MITF: variants seen among roughly 807,000 people sequenced by gnomAD.
MITF encodes microphthalmia-associated transcription factor.
Under a neutral mutation model 60.5 loss-of-function variants are expected in MITF, and 17 were observed. That is an observed-to-expected ratio of 0.28 (90% CI 0.19 to 0.42). The LOEUF (loss-of-function observed/expected upper bound fraction) is 0.42, where lower values mean the gene tolerates loss of function less well. Among genes scored for constraint, MITF ranks in the 10% least tolerant of loss-of-function variants. MITF has a pLI of 1.00. For missense variants in MITF, 622 were observed against 683.5 expected (o/e 0.91, Z 1.00); for synonymous variants, 260 against 248.5 (o/e 1.05, Z -0.43).
At chr3:69,751,007 G>A (rs1703917141) in intron 1 of MITF, among the ~76,000 whole-genome samples, 1 of 152,100 alleles carries the variant, frequency 6.6e-6, no homozygotes, top group South Asian at 2.1e-4. Flanking sequence ...TGTGATCTCT[G>A]AGTGACTTAG....
chr3:69,842,867 C>T lies in MITF; in HGVS notation c.105-36267C>T, dbSNP rs186903890. On this transcript the variant is annotated intron_variant, in intron 1 of 9. Coordinates refer to ENST00000352241, the MANE Select transcript of MITF (RefSeq NM_001354604.2). The stretch of plus-strand genomic sequence containing the variant: ...ACAGAGCACTGCTGTGTGGTGTAAA[C>T]TTTATTTTGTTTGTTTGTTTGTTTG... 3.1e-3 allele frequency among the ~76,000 whole-genome samples: 472 copies of T among 152,192 alleles called. 1 individual carries two copies. The highest frequency in any genetic ancestry group is 0.01 in the African/African-American group (434 of 41,534).
intron 2 of MITF, among the ~76,000 whole-genome samples, chr3:69,881,377 A>G (rs1371842359): frequency 6.6e-6 from 1 of 152,104 alleles, no homozygotes; most frequent in Non-Finnish European, 1.5e-5. Context: ...AAAAATAAGG[A>G]ATTATTGCCA....
At chr3:69,875,930 G>GT (rs769011460) in intron 1 of MITF, among the ~76,000 whole-genome samples, 7 of 152,170 alleles carry the variant, frequency 4.6e-5, no homozygotes, top group African/African-American at 9.7e-5. Flanking sequence ...GCACTTTTGG[G>GT]TTTTTTTGCA....
At chr3:69,871,403 C>G (rs960412176) in intron 1 of MITF, among the ~76,000 whole-genome samples, 4 of 152,118 alleles carry the variant, frequency 2.6e-5, no homozygotes, top group African/African-American at 9.7e-5. Context: ...AGTGACAACA[C>G]CATAACCTCA....
Position 69,879,309 on chromosome 3 carries a change from C to A in MITF, c.280C>A (p.Gln94Lys), listed in dbSNP as rs769908514. 6.2e-7 allele frequency: 1 copy of A among 1,614,198 alleles called. No individual in the cohort carries two copies. The highest frequency in any genetic ancestry group is 1.1e-5 in the South Asian group (1 of 91,078). Residue 94 changes from glutamine (Q) to lysine (K), a missense_variant, in exon 2 of 10, where the codon CAG becomes AAG. Physicochemically the swap from Gln to Lys is moderately conservative, Grantham distance 53. This residue lies in a region of MITF where 149 missense variants were observed against 157.8 expected (regional missense o/e 0.94). Coordinates refer to ENST00000352241, the MANE Select transcript of MITF (RefSeq NM_001354604.2). ...QFMQQRVPVS[Q>K]TPAINVSVPT... ...CATGCAACAGAGAGTGCCCGTGAGTCAGACACCAGCCATAAACGTCAGTGT... is the reference window on the plus strand; with the variant it reads ...CATGCAACAGAGAGTGCCCGTGAGTAAGACACCAGCCATAAACGTCAGTGT...
rs146735376 is a variant in MITF, at chr3:69,758,164, AT to A, written c.104+18466del. Among the ~76,000 whole-genome samples the A allele has an allele frequency of 6.9e-3, 1,045 of 150,908 alleles. 3 individuals are homozygous for A. Among genetic ancestry groups the A allele is most frequent in the Non-Finnish European group, 0.012 (793 of 67,718 alleles). ...ACACTTTCCCAGCACTCAGAAATATATTTCATTTTATTTACTTTTTTTTAAG... is the reference window on the plus strand; with the variant it reads ...ACACTTTCCCAGCACTCAGAAATATATTCATTTTATTTACTTTTTTTTAAG... On this transcript the variant is annotated intron_variant, in intron 1 of 9. Coordinates refer to ENST00000352241, the MANE Select transcript of MITF (RefSeq NM_001354604.2).
At chr3:69,851,721 C>T (rs1238407130) in intron 1 of MITF, among the ~76,000 whole-genome samples, 1 of 152,132 alleles carries the variant, frequency 6.6e-6, no homozygotes, top group East Asian at 1.9e-4. Context: ...TGTTCTGTAT[C>T]TTGATTGTGC....
At position 69,967,719 on chromosome 3, in the gene MITF, T is replaced by C; in HGVS notation, c.*2471T>C. The C allele has an allele frequency of 4.3e-6, 1 of 233,076 alleles. No individual in the cohort carries two copies. The highest frequency in any genetic ancestry group is 8.5e-6 in the Non-Finnish European group (1 of 117,922). 14.4% of individuals were successfully genotyped at this position (233,076 alleles called of 1,614,324 possible). ...GCAATCTTGGGGGTGGTTTTATTTA[T>C]TTCTTTTTTGCCAAATAGAGTGTGG... is the stretch of plus-strand genomic sequence containing the variant. On this transcript the variant is annotated 3_prime_UTR_variant, in exon 10 of 10. Coordinates refer to ENST00000352241, the MANE Select transcript of MITF (RefSeq NM_001354604.2).
At chr3:69,929,768 G>A (rs2065676755) in intron 2 of MITF, among the ~76,000 whole-genome samples, 1 of 152,120 alleles carries the variant, frequency 6.6e-6, no homozygotes, top group Non-Finnish European at 1.5e-5. Flanking sequence ...GAAGCAGGTA[G>A]AAGAGTCAGG....
At chr3:69,819,259 G>A (rs1333188139) in intron 1 of MITF, among the ~76,000 whole-genome samples, 1 of 152,152 alleles carries the variant, frequency 6.6e-6, no homozygotes, top group South Asian at 2.1e-4. Flanking sequence ...ATTCAGCTTT[G>A]CTTTTTTGCC....
rs1376120864 is a variant in MITF at position 69,968,297 on chromosome 3, G to T, written c.*3049G>T. On this transcript the variant is annotated 3_prime_UTR_variant, in exon 10 of 10. Coordinates refer to ENST00000352241, the MANE Select transcript of MITF (RefSeq NM_001354604.2). ...ATGTATCCAATGAAATAATCGACTT[G>T]TTCTTGATAGCCTCATTAAAGCATT... 1 of 229,526 alleles carries T rather than the reference G, an allele frequency of 4.4e-6. No homozygotes were observed. Among genetic ancestry groups the T allele is most frequent in the Non-Finnish European group, 8.7e-6 (1 of 115,530 alleles). 14.2% of individuals were successfully genotyped at this position (229,526 alleles called of 1,614,324 possible).
At chr3:69,798,263 A>G (rs185025315) in intron 1 of MITF, among the ~76,000 whole-genome samples, 1 of 152,328 alleles carries the variant, frequency 6.6e-6, no homozygotes, top group East Asian at 1.9e-4. Context: ...TGAGGAAACC[A>G]TGTTGTATTA....
At chr3:69,954,333 A>G (rs964229419) in intron 7 of MITF, among the ~76,000 whole-genome samples, 4 of 152,242 alleles carry the variant, frequency 2.6e-5, no homozygotes, top group Non-Finnish European at 2.9e-5. Context: ...CAAATAGATC[A>G]ATGGGATACA....
chr3:69,790,567 T>G (rs1254611184), intron 1 of MITF, among the ~76,000 whole-genome samples: 1 of 152,250 alleles, frequency 6.6e-6, no homozygotes, highest in Non-Finnish European at 1.5e-5. Flanking sequence ...CATTGAGTAT[T>G]TCAACATCTT....
chr3:69,852,375 G>T (rs1420943903), intron 1 of MITF, among the ~76,000 whole-genome samples: 1 of 152,104 alleles, frequency 6.6e-6, no homozygotes. Flanking sequence ...TAACACCATG[G>T]ATTAATCATG....
intron 1 of MITF, among the ~76,000 whole-genome samples, chr3:69,820,953 GAAAAAAGTT>G (rs1256614269): frequency 6.6e-6 from 1 of 151,788 alleles, no homozygotes; most frequent in Non-Finnish European, 1.5e-5. Flanking sequence ...GTGTGTTCTG[GAAAAAAGTT>G]AAATGAGATT....
chr3:69,937,760 A>T, intron 2 of MITF, 62 bp from the exon 3 acceptor site: 1 of 1,395,066 alleles, frequency 7.2e-7, no homozygotes, highest in African/African-American at 1.4e-5. Context: ...GCCTGAAGGA[A>T]GAGCCGTCTG....
chr3:69,930,025 A>T (rs1371797545), intron 2 of MITF, among the ~76,000 whole-genome samples: 1 of 152,168 alleles, frequency 6.6e-6, no homozygotes, highest in East Asian at 1.9e-4. Flanking sequence ...GCAATTTTCT[A>T]TGTTTCAACC....
intron 5 of MITF, among the ~76,000 whole-genome samples, chr3:69,942,636 C>T (rs1276908527): frequency 6.6e-6 from 1 of 152,012 alleles, no homozygotes; most frequent in Admixed American, 6.6e-5. Flanking sequence ...AGGTGTTCTA[C>T]TATTGTGATG....
Sources: gnomAD v4.1 joint callset for allele counts (sites outside exome capture counted in the v4.1 genomes callset) on GRCh38, gnomAD v4.1.1 for gene constraint, gnomAD v4.1.1 regional missense constraint, MANE v1.5 for transcripts, NCBI Gene and HGNC (gene_info 2026-07-23, HGNC 2026-07-21) for gene names.